The following BPIFB1 variants were observed in gnomAD, a reference collection of about 807,000 sequenced individuals.
BPIFB1 encodes BPI fold containing family B member 1.
Under a neutral mutation model 55.1 loss-of-function variants are expected in BPIFB1, and 34 were observed. The observed-to-expected ratio is 0.62, with a 90% CI of 0.47 to 0.82. The LOEUF is 0.82. Among genes scored for constraint, BPIFB1 ranks in the 40% least tolerant of loss-of-function variants. BPIFB1 has a pLI of 0.00. For missense variants in BPIFB1, 532 were observed against 593.1 expected (o/e 0.90, Z 1.07); for synonymous variants, 236 against 245.3 (o/e 0.96, Z 0.35).
intron 1 of BPIFB1, 59 bp from the exon 2 acceptor site, chr20:33,285,974 C>T (rs374464078): frequency 2.3e-4 from 247 of 1,088,096 alleles, no homozygotes; most frequent in African/African-American, 2.1e-3. Flanking sequence ...CCCAGGTCAC[C>T]GGGCATCATG....
At chr20:33,295,958 G>A (rs1237899210) in intron 6 of BPIFB1, among the ~76,000 whole-genome samples, 2 of 144,058 alleles carry the variant, frequency 1.4e-5, no homozygotes, top group African/African-American at 2.6e-5. Flanking sequence ...GAGAGAGGGA[G>A]GGAGGGAAGA....
rs376226831 is a variant in BPIFB1, at chr20:33,304,038, A to G, written c.1208+13A>G. 4 of 1,607,554 alleles carry G rather than the reference A, an allele frequency of 2.5e-6. No individual in the cohort carries two copies. In the African/African-American group the frequency reaches 5.4e-5, roughly 22 times the overall value. Reference sequence around the variant, plus strand: ...TGAATAACATCAGGTAAACACACAAATCATCATGAAGATTCTGCTGATGGA... The same window carrying G: ...TGAATAACATCAGGTAAACACACAAGTCATCATGAAGATTCTGCTGATGGA... On this transcript the variant is annotated intron_variant, in intron 12 of 15. Transcript: ENST00000253354.
At chr20:33,299,303 A>G (rs1980766327) in intron 7 of BPIFB1, 1 of 400,950 alleles carries the variant, frequency 2.5e-6, no homozygotes, top group Non-Finnish European at 5.2e-6. Context: ...CACCACCGCC[A>G]CCTGGCGGCC....
chr20:33,294,215 A>C (rs1980561724), intron 6 of BPIFB1, among the ~76,000 whole-genome samples: 1 of 152,242 alleles, frequency 6.6e-6, no homozygotes, highest in African/African-American at 2.4e-5. Flanking sequence ...ATAAGATCTT[A>C]AAAGGTTAAT....
At chr20:33,289,458 T>TGCTTCTCACTGGAGGTGAC (rs1424059596) in intron 3 of BPIFB1, among the ~76,000 whole-genome samples, 17 of 150,762 alleles carry the variant, frequency 1.1e-4, no homozygotes, top group African/African-American at 3.9e-4. Context: ...GATGAGGTGA[T>TGCTTCTCACTGGAGGTGAC]GCTTCTCACT....
At chr20:33,283,692 T>C (rs947296058) in intron 1 of BPIFB1, among the ~76,000 whole-genome samples, 10 of 151,914 alleles carry the variant, frequency 6.6e-5, no homozygotes, top group African/African-American at 2.4e-4. Context: ...GGTGATGTGT[T>C]GGTTGCAAAG....
Position 33,295,479 on chromosome 20 carries a change from G to A in BPIFB1, c.598-2046G>A, listed in dbSNP as rs577773912. On this transcript the variant is annotated intron_variant, in intron 6 of 15. Transcript: ENST00000253354. ...AAATTAGCCAGACATGGTGGTGGGC[G>A]CCTGTAATCCCAGTTACTCGGGAGG... Among the ~76,000 whole-genome samples the A allele has an allele frequency of 7.9e-5, 12 of 151,764 alleles. 2 individuals are homozygous for A. Among genetic ancestry groups the A allele is most frequent in the East Asian group, 2.0e-4 (1 of 5,122 alleles).
chr20:33,305,011 C>T, intron 13 of BPIFB1, 120 bp downstream of exon 13: 1 of 1,130,246 alleles, frequency 8.8e-7, no homozygotes, highest in Admixed American at 1.9e-5. Context: ...CCATGGGGGG[C>T]TGGCCGGTCT....
At chr20:33,286,261 G>A (rs1460983310) in intron 2 of BPIFB1, 73 bp downstream of exon 2, 1 of 1,326,516 alleles carries the variant, frequency 7.5e-7, no homozygotes, top group East Asian at 2.3e-5. Flanking sequence ...AAAGGAGGGA[G>A]AGAGTTCCTC....
rs763673147 is a variant in BPIFB1, at chr20:33,302,950, A to C, written c.1016A>C (p.Lys339Thr). ...AAGCTGGGATCTACCCAGATCGTGA[A>C]GATCCTAACTCAGGACACTCCCGAG... Reference protein sequence around the residue: ...ADKLGSTQIVKILTQDTPEFF... With the variant: ...ADKLGSTQIVTILTQDTPEFF... The change falls in exon 11 of 16, where the codon AAG (lysine) becomes ACG (threonine). Residue 339 changes from lysine (K) to threonine (T), a missense_variant. Physicochemically the swap from Lys to Thr is moderately conservative, Grantham distance 78. Coordinates refer to ENST00000253354, the MANE Select transcript of BPIFB1 (RefSeq NM_033197.3). 1.9e-6 allele frequency: 3 copies of C among 1,614,146 alleles called. 1 individual carries two copies. In the South Asian group the frequency reaches 3.3e-5, roughly 18 times the overall value.
intron 6 of BPIFB1, among the ~76,000 whole-genome samples, chr20:33,292,629 T>C (rs533399251): frequency 6.6e-6 from 1 of 152,368 alleles, no homozygotes; most frequent in African/African-American, 2.4e-5. Flanking sequence ...AAGCTGGCTC[T>C]AGCACGGCAC....
rs28526723 is a variant in BPIFB1 at position 33,289,399 on chromosome 20, A to C, written c.258-486A>C. On this transcript the variant is annotated intron_variant, in intron 3 of 15. Coordinates refer to ENST00000253354, the MANE Select transcript of BPIFB1 (RefSeq NM_033197.3). ...TCTGTCTCAAAAAAAAAAAAACAAAAAAAAAAAAACAACCCAGAGCAAGGT... is the reference window on the plus strand; with the variant it reads ...TCTGTCTCAAAAAAAAAAAAACAAACAAAAAAAAACAACCCAGAGCAAGGT... 6.0e-3 allele frequency among the ~76,000 whole-genome samples: 797 copies of C among 132,690 alleles called. 5 individuals carry two copies. Among genetic ancestry groups the C allele is most frequent in the African/African-American group, 0.021 (667 of 32,190 alleles). The allele number at this position is 132,690 out of a possible 152,430, so 87.0% of individuals were successfully genotyped here.
At chr20:33,287,422 C>T (rs556940606) in intron 2 of BPIFB1, among the ~76,000 whole-genome samples, 1 of 152,284 alleles carries the variant, frequency 6.6e-6, no homozygotes, top group South Asian at 2.1e-4. Flanking sequence ...TAAATGCCAA[C>T]AGGTAAGTTT....
chr20:33,300,870 G>A (rs774049577), intron 8 of BPIFB1, among the ~76,000 whole-genome samples: 4 of 152,170 alleles, frequency 2.6e-5, no homozygotes, highest in Non-Finnish European at 4.4e-5. Flanking sequence ...TTACAAGCAT[G>A]AGCCAACACG....
intron 3 of BPIFB1, among the ~76,000 whole-genome samples, 187 bp from the exon 4 acceptor site, chr20:33,289,698 T>C (rs1980392176): frequency 6.6e-6 from 1 of 151,956 alleles, no homozygotes; most frequent in Non-Finnish European, 1.5e-5. Flanking sequence ...GAAGGCACCA[T>C]AATAGCATTG....
chr20:33,307,141 T>G, intron 15 of BPIFB1, 154 bp downstream of exon 15: 1 of 648,364 alleles, frequency 1.5e-6, no homozygotes, highest in Non-Finnish European at 2.7e-6. Flanking sequence ...CATCTGCAAG[T>G]GAGAAGGTTG....
intron 1 of BPIFB1, among the ~76,000 whole-genome samples, chr20:33,283,704 C>T (rs1304883228): frequency 2.6e-5 from 4 of 151,932 alleles, no homozygotes; most frequent in African/African-American, 9.7e-5. Context: ...GTTGCAAAGC[C>T]GAGTAGAAGG....
In BPIFB1 at chr20:33,302,359, C is replaced by G; in HGVS notation, c.928C>G (p.Leu310Val). The change falls in exon 10 of 16, where the codon CTT (leucine) becomes GTT (valine). Residue 310 changes from leucine (L) to valine (V), a missense_variant and splice_region_variant. Leu to Val is a conservative substitution (Grantham distance 32). Transcript: ENST00000253354. The part of the protein sequence containing the change: ...EEFMVLLDSV[L>V]PESAHRLKSS... ...CTTCTCTGGCTCCTCTCACCCTCAGCTTCCTGAGAGTGCCCATCGGCTGAA... is the reference window on the plus strand; with the variant it reads ...CTTCTCTGGCTCCTCTCACCCTCAGGTTCCTGAGAGTGCCCATCGGCTGAA... The G allele has an allele frequency of 1.9e-6, 3 of 1,614,020 alleles. No homozygotes were observed. The highest frequency in any genetic ancestry group is 2.5e-6 in the Non-Finnish European group (3 of 1,179,976).
At chr20:33,286,898 G>A (rs1307578437) in intron 2 of BPIFB1, among the ~76,000 whole-genome samples, 1 of 152,284 alleles carries the variant, frequency 6.6e-6, no homozygotes, top group Admixed American at 6.5e-5. Context: ...AGTGGAGAAC[G>A]ACTACTCTAA....
Sources: gnomAD v4.1 joint callset for allele counts (sites outside exome capture counted in the v4.1 genomes callset) on GRCh38, gnomAD v4.1.1 for gene constraint, MANE v1.5 for transcripts, NCBI Gene and HGNC (gene_info 2026-07-23, HGNC 2026-07-21) for gene names.